The following ONECUT1 variants were observed in gnomAD, a reference collection of about 807,000 sequenced individuals.
The protein encoded by ONECUT1 is one cut homeobox 1.
Under a neutral mutation model 25.6 loss-of-function variants are expected in ONECUT1, and 12 were observed. The observed-to-expected ratio is 0.47, with a 90% CI of 0.30 to 0.76. The LOEUF is 0.76. Among genes scored for constraint, ONECUT1 ranks in the 30% least tolerant of loss-of-function variants. The pLI, the probability that ONECUT1 is intolerant of heterozygous loss-of-function variation, is 0.07. For missense variants in ONECUT1, 620 were observed against 651.2 expected, an observed-to-expected ratio of 0.95 and a Z score of 0.52; for synonymous variants, 285 against 270.2, an observed-to-expected ratio of 1.05 and a Z score of -0.54.
At chr15:52,767,784 AATCT>A (rs2083743462) in intron 1 of ONECUT1, among the ~76,000 whole-genome samples, 1 of 152,246 alleles carries the variant, frequency 6.6e-6, no homozygotes, top group Non-Finnish European at 1.5e-5. Context: ...ATGTGGCATC[AATCT>A]AAGTGTCCAT....
At chr15:52,761,307 C>A (rs1405472483) in intron 1 of ONECUT1, among the ~76,000 whole-genome samples, 1 of 152,180 alleles carries the variant, frequency 6.6e-6, no homozygotes, top group Non-Finnish European at 1.5e-5. Context: ...CTCCGAAAAC[C>A]TTTCTGAATG....
intron 1 of ONECUT1, chr15:52,780,601 T>C (rs1423356243): frequency 3.9e-6 from 6 of 1,535,430 alleles, no homozygotes; most frequent in Non-Finnish European, 5.2e-6. Flanking sequence ...ATTGCCTTAA[T>C]GAACGATTTT....
chr15:52,789,687 T>G lies in ONECUT1; in HGVS notation c.198A>C (p.Gly66=), dbSNP rs1204492261. 4.0e-6 allele frequency: 6 copies of G among 1,498,422 alleles called. No individual in the cohort carries two copies. The highest frequency in any genetic ancestry group is 4.4e-6 in the Non-Finnish European group (5 of 1,130,222). The allele number at this position is 1,498,422 out of a possible 1,614,324, so 92.8% of individuals were successfully genotyped here. The part of the protein sequence containing the change: ...ASLLDGGSGG[G]DYHHHHRAPE... ...GGGCCCGGTGGTGGTGGTGGTAATC[T>G]CCGCCGCCGCTGCCGCCGTCCAGCA... The change falls in exon 1 of 2, where the codon GGA becomes GGC. Residue 66 remains glycine (G), a synonymous_variant. Coordinates refer to ENST00000305901, the MANE Select transcript of ONECUT1 (RefSeq NM_004498.4). The surrounding 1 kb of genome is among the most constrained non-coding windows in gnomAD (Gnocchi z 4.1).
intron 1 of ONECUT1, among the ~76,000 whole-genome samples, chr15:52,782,592 G>A (rs528855825): frequency 1.3e-4 from 20 of 152,260 alleles, no homozygotes; most frequent in African/African-American, 4.6e-4. Flanking sequence ...CACAATGAGA[G>A]TATTATTTAA....
At position 52,788,935 on chromosome 15, in the gene ONECUT1, T is replaced by C. The variant is rs781117881; in HGVS notation, c.950A>G (p.Gln317Arg). 6.8e-6 allele frequency: 11 copies of C among 1,613,786 alleles called. No homozygotes were observed. Among genetic ancestry groups the C allele is most frequent in the Non-Finnish European group, 9.3e-6 (11 of 1,180,020 alleles). ...RYSIPQAIFA[Q>R]RVLCRSQGTL... ...CCCCTGGGAGCGGCAGAGCACCCTC[T>C]GCGCGAAGATGGCCTGTGGGATGCT... Residue 317 changes from glutamine (Q) to arginine (R), a missense_variant, in exon 1 of 2, where the codon CAG becomes CGG. By Grantham distance (43) the Gln-to-Arg change is conservative (BLOSUM62 1). Around this residue, in one of 4 missense-constraint regions of ONECUT1, gnomAD observed 146 missense variants for 201.8 expected, o/e 0.72. Transcript: ENST00000305901. The surrounding 1 kb of genome is among the most constrained non-coding windows in gnomAD (Gnocchi z 4.3).
chr15:52,777,224 C>T (rs2083806695), intron 1 of ONECUT1, among the ~76,000 whole-genome samples: 2 of 152,214 alleles, frequency 1.3e-5, no homozygotes, highest in Non-Finnish European at 1.5e-5. Flanking sequence ...ATAGGTTATT[C>T]CAGAAGTAAG....
intron 1 of ONECUT1, among the ~76,000 whole-genome samples, chr15:52,775,061 A>ACACCTGTC (rs1292875140): frequency 6.6e-6 from 1 of 152,088 alleles, no homozygotes; most frequent in African/African-American, 2.4e-5. Context: ...GCAGTGGTAC[A>ACACCTGTC]CACCTGTAAT....
At position 52,789,697 on chromosome 15, in the gene ONECUT1, C is replaced by A. The variant is rs199543899; in HGVS notation, c.188G>T (p.Ser63Ile). The change falls in exon 1 of 2, where the codon AGC becomes ATC. Residue 63 changes from serine (S) to isoleucine (I), a missense_variant. Physicochemically the swap from Ser to Ile is moderately radical, Grantham distance 142 (BLOSUM62 -2). Transcript: ENST00000305901. This position sits in a 1 kb window ranked among gnomAD's most constrained non-coding sequence, Gnocchi z 4.1. The stretch of plus-strand genomic sequence containing the variant: ...GTGGTGGTGGTAATCTCCGCCGCCG[C>A]TGCCGCCGTCCAGCAGGGACGCCAT... ...MGMASLLDGG[S>I]GGGDYHHHHR... The A allele has an allele frequency of 1.3e-6, 2 of 1,492,956 alleles. No homozygotes were observed. The highest frequency in any genetic ancestry group is 2.9e-5 in the African/African-American group (2 of 69,704). The allele number at this position is 1,492,956 out of a possible 1,614,324, so 92.5% of individuals were successfully genotyped here. A position where few individuals can be genotyped will look rare whatever the true frequency, so the allele number is the denominator to read the frequency against.
intron 1 of ONECUT1, among the ~76,000 whole-genome samples, chr15:52,787,603 G>C (rs895795749): frequency 6.7e-6 from 1 of 150,140 alleles, no homozygotes; most frequent in African/African-American, 2.5e-5. Context: ...TCAGGCCTGG[G>C]CGCTGGGCTG....
At chr15:52,781,366 A>G (rs2083840279) in intron 1 of ONECUT1, among the ~76,000 whole-genome samples, 1 of 152,262 alleles carries the variant, frequency 6.6e-6, no homozygotes, top group Admixed American at 6.5e-5. Context: ...TCTTGAGTAT[A>G]AAAGAAATAA....
At chr15:52,764,260 A>T (rs1566989240) in intron 1 of ONECUT1, among the ~76,000 whole-genome samples, 1 of 152,208 alleles carries the variant, frequency 6.6e-6, no homozygotes, top group Non-Finnish European at 1.5e-5. Flanking sequence ...ACTCTTGAAG[A>T]CACAAGCTCT....
At chr15:52,780,469 A>T in intron 1 of ONECUT1, 1 of 903,708 alleles carries the variant, frequency 1.1e-6, no homozygotes, top group Non-Finnish European at 1.6e-6. Context: ...CTGAGTCCTT[A>T]GTTAACCGCA....
chr15:52,786,842 G>A (rs1337451826), intron 1 of ONECUT1, among the ~76,000 whole-genome samples: 2 of 152,092 alleles, frequency 1.3e-5, no homozygotes, highest in East Asian at 1.9e-4. Context: ...TCCAGGGGGC[G>A]GGGGTGGGGG....
In ONECUT1 at chr15:52,755,091, T is replaced by C. The variant is rs1352252460; in HGVS notation, c.*2464A>G. On this transcript the variant is annotated 3_prime_UTR_variant, in exon 2 of 2. Transcript: ENST00000305901. ...ATATACTAGCAACAAATAAAAAACA[T>C]GGTTGTCTGAATTCTGCTATTCTTT... Among the ~76,000 whole-genome samples, 1 of 148,952 alleles carries C rather than the reference T, an allele frequency of 6.7e-6. No homozygotes were observed. Among genetic ancestry groups the C allele is most frequent in the Non-Finnish European group, 1.5e-5 (1 of 67,530 alleles).
intron 1 of ONECUT1, chr15:52,780,648 C>T (rs1252729981): frequency 4.6e-6 from 7 of 1,534,844 alleles, no homozygotes; most frequent in Non-Finnish European, 5.2e-6. Flanking sequence ...TTTAGCCACT[C>T]CTCTCACGCA....
At position 52,779,745 on chromosome 15, in the gene ONECUT1, T is replaced by C. The variant is rs1409556655; in HGVS notation, c.1105+9035A>G. ...GGCTATACTAAGACTCTGGGAACGA[T>C]CTATGGAGATATGGCAAACTAGCCT... is the stretch of plus-strand genomic sequence containing the variant. On this transcript the variant is annotated intron_variant, in intron 1 of 1. Coordinates refer to ENST00000305901, the MANE Select transcript of ONECUT1 (RefSeq NM_004498.4). Among the ~76,000 whole-genome samples the C allele has an allele frequency of 2.0e-5, 3 of 152,206 alleles. No individual in the cohort carries two copies. In the East Asian group the frequency reaches 5.8e-4, roughly 29 times the overall value.
At chr15:52,765,943 G>C in intron 1 of ONECUT1, among the ~76,000 whole-genome samples, 1 of 152,224 alleles carries the variant, frequency 6.6e-6, no homozygotes, top group South Asian at 2.1e-4. Context: ...GCAAAGTCCT[G>C]CACAGATTGT....
rs906368133 is a variant in ONECUT1, at chr15:52,789,783, C to T, written c.102G>A (p.Ala34=). The T allele has an allele frequency of 2.8e-6, 4 of 1,441,522 alleles. No homozygotes were observed. Among genetic ancestry groups the T allele is most frequent in the African/African-American group, 1.5e-5 (1 of 67,510 alleles). The allele number at this position is 1,441,522 out of a possible 1,614,324, so 89.3% of individuals were successfully genotyped here. A position where few individuals can be genotyped will look rare whatever the true frequency, so the allele number is the denominator to read the frequency against. Residue 34 remains alanine (A), a synonymous_variant, in exon 1 of 2, where the codon GCG becomes GCA. Transcript: ENST00000305901. The surrounding 1 kb of genome is among the most constrained non-coding windows in gnomAD (Gnocchi z 4.1). ...TGCCGCGGTGCGCCACGGAGCTGCG[C>T]GCGTGGGGGCTGCCGCCCAGCAGGT... ...PADLLGGSPH[A]RSSVAHRGSH...
At chr15:52,770,966 C>T (rs1210844079) in intron 1 of ONECUT1, among the ~76,000 whole-genome samples, 2 of 152,142 alleles carry the variant, frequency 1.3e-5, no homozygotes, top group South Asian at 2.1e-4. Context: ...GAGCAATAGG[C>T]ACTTTTGATG....
Sources: allele counts gnomAD v4.1 joint callset (sites outside exome capture counted in the v4.1 genomes callset), GRCh38; gene constraint gnomAD v4.1.1; regional missense constraint gnomAD v4.1.1; non-coding constraint Gnocchi (gnomAD v3.1); transcripts MANE v1.5; gene names NCBI Gene and HGNC (gene_info 2026-07-23, HGNC 2026-07-21).